MYOM1: variants seen among roughly 807,000 people sequenced by gnomAD.
MYOM1 encodes myomesin 1, also known as myomesin-1.
A neutral mutation model predicts 205.3 loss-of-function variants in MYOM1; 164 were observed. The observed-to-expected ratio is 0.80, with a 90% confidence interval of 0.70 to 0.91. MYOM1 has a LOEUF of 0.91. Ranked by LOEUF, MYOM1 falls within the 40% of genes least tolerant of loss-of-function variation. The probability of loss-of-function intolerance (pLI) is 0.00; values close to 1 mark genes in which losing one functional copy is unlikely to be tolerated. For synonymous variants in MYOM1, 772 were observed against 789.4 expected (o/e 0.98, Z 0.37); for missense variants, 2,011 against 2,127.3 (o/e 0.95, Z 1.08).
chr18:3,116,241 C>T (rs2079602918), intron 21 of MYOM1, 90 bp downstream of exon 21: 6 of 1,353,588 alleles, frequency 4.4e-6, no homozygotes, highest in Middle Eastern at 2.6e-4. Flanking sequence ...CAGATCAAAG[C>T]GGAGATATTC....
chr18:3,201,980 A>G (rs2081074348), intron 2 of MYOM1, among the ~76,000 whole-genome samples: 1 of 152,174 alleles, frequency 6.6e-6, no homozygotes, highest in Non-Finnish European at 1.5e-5. Context: ...ATATTGTATA[A>G]AATACTTATT....
chr18:3,067,692 G>A, intron 37 of MYOM1, 137 bp from the exon 38 acceptor site: 1 of 872,646 alleles, frequency 1.1e-6, no homozygotes, highest in Non-Finnish European at 1.7e-6. Flanking sequence ...GTTTAAAGTA[G>A]TTCTGTGTAT....
chr18:3,144,056 A>T (rs186475281), intron 13 of MYOM1, among the ~76,000 whole-genome samples: 7 of 152,174 alleles, frequency 4.6e-5, no homozygotes, highest in African/African-American at 9.6e-5. Flanking sequence ...AATACAAAAA[A>T]TTAGCCGGGC....
rs147804773 is a variant in MYOM1 at position 3,121,538 on chromosome 18, C to T, written c.2992-1543G>A. ...TGGTAAATATATTGGTAAGTTGAAT[C>T]TATAAAACAATAATCACATTGCTGT... is the stretch of plus-strand genomic sequence containing the variant. On this transcript the variant is annotated intron_variant, in intron 19 of 37. Transcript: ENST00000356443. 5.6e-3 allele frequency among the ~76,000 whole-genome samples: 858 copies of T among 152,202 alleles called. 11 individuals are homozygous for T. The highest frequency in any genetic ancestry group is 0.02 in the African/African-American group (837 of 41,516).
intron 18 of MYOM1, 90 bp downstream of exon 18, chr18:3,129,142 G>A (rs2079837290): frequency 2.8e-6 from 4 of 1,443,118 alleles, no homozygotes; most frequent in South Asian, 2.8e-5. Context: ...ATTGATGAAA[G>A]CAAACATGGA....
intron 8 of MYOM1, among the ~76,000 whole-genome samples, chr18:3,172,662 A>G (rs1382439282): frequency 6.6e-6 from 1 of 152,032 alleles, no homozygotes; most frequent in East Asian, 1.9e-4. Flanking sequence ...GATGCCCACC[A>G]CCATGCCTGG....
chr18:3,116,216 G>T, intron 21 of MYOM1, 115 bp downstream of exon 21: 1 of 1,094,986 alleles, frequency 9.1e-7, no homozygotes, highest in Non-Finnish European at 1.3e-6. Context: ...CTTACCAGGA[G>T]CCCAATATAT....
At chr18:3,186,996 A>AAAGAAAGG (rs796372033) in intron 5 of MYOM1, among the ~76,000 whole-genome samples, 4 of 152,214 alleles carry the variant, frequency 2.6e-5, no homozygotes, top group African/African-American at 9.6e-5. Context: ...AAAAAGAAAG[A>AAAGAAAGG]AAGAAAGGAA....
chr18:3,085,800 T>C (rs1209383663), intron 30 of MYOM1, among the ~76,000 whole-genome samples: 2 of 152,190 alleles, frequency 1.3e-5, no homozygotes, highest in African/African-American at 4.8e-5. Flanking sequence ...ACTGCCCATA[T>C]ATGGATAAAA....
chr18:3,168,964 C>A lies in MYOM1; in HGVS notation c.1192G>T (p.Gly398Cys). ...TGGATCTCAAACCGGGATGCATAAC[C>A]ATATGGGGTCACACCAACTGGGTAC... ...MPLSFGVTPYGYASRFEIHFD... is the reference protein window; with the variant it reads ...MPLSFGVTPYCYASRFEIHFD... Residue 398 changes from glycine (G) to cysteine (C), a missense_variant, in exon 9 of 38, where the codon GGT (glycine) becomes TGT (cysteine). Physicochemically the swap from Gly to Cys is radical, Grantham distance 159. Transcript: ENST00000356443. 6.2e-7 allele frequency: 1 copy of A among 1,612,404 alleles called. No individual in the cohort carries two copies. The highest frequency in any genetic ancestry group is 2.2e-5 in the East Asian group (1 of 44,812).
Position 3,144,860 on chromosome 18 carries a change from C to T in MYOM1, c.1901-2797G>A, listed in dbSNP as rs80351421. On this transcript the variant is annotated intron_variant, in intron 13 of 37. Transcript: ENST00000356443. ...AACTGCAAGAAGAAATAGATAAATG[C>T]ACCATTTGGTTGGCTATTTCATCAC... Among the ~76,000 whole-genome samples, 1,502 of 152,212 alleles carry T rather than the reference C, an allele frequency of 9.9e-3. 18 individuals are homozygous for T. Among genetic ancestry groups the T allele is most frequent in the African/African-American group, 0.034 (1,420 of 41,530 alleles).
intron 13 of MYOM1, among the ~76,000 whole-genome samples, chr18:3,148,819 C>A (rs1454231689): frequency 6.7e-5 from 9 of 133,614 alleles, no homozygotes; most frequent in Admixed American, 4.2e-4. Flanking sequence ...GCACTCCACC[C>A]TGGGCGACAG....
intron 2 of MYOM1, among the ~76,000 whole-genome samples, chr18:3,211,654 A>C (rs1256996207): frequency 6.6e-6 from 1 of 152,216 alleles, no homozygotes; most frequent in Non-Finnish European, 1.5e-5. Context: ...TCCCACTGTG[A>C]CCAAGAACAA....
At chr18:3,089,118 CT>C in intron 29 of MYOM1, 55 bp downstream of exon 29, 1 of 1,343,716 alleles carries the variant, frequency 7.4e-7, no homozygotes, top group African/African-American at 1.5e-5. Flanking sequence ...TTCCTCTTCT[CT>C]ACATTCTATT....
At position 3,193,827 on chromosome 18, in the gene MYOM1, A is replaced by T; in HGVS notation, c.422T>A (p.Phe141Tyr). 1 of 1,612,586 alleles carries T rather than the reference A, an allele frequency of 6.2e-7. No homozygotes were observed. The highest frequency in any genetic ancestry group is 1.3e-5 in the African/African-American group (1 of 74,994). Residue 141 changes from phenylalanine (F) to tyrosine (Y), a missense_variant, in exon 3 of 38, where the codon TTC becomes TAC. By Grantham distance (22) the Phe-to-Tyr change is conservative. Transcript: ENST00000356443. ...GAAAAAGCACACTCACCGTCCTGAGAAAATGGGTACCATGTAGTCACTGGG... is the reference window on the plus strand; with the variant it reads ...GAAAAAGCACACTCACCGTCCTGAGTAAATGGGTACCATGTAGTCACTGGG... ...NLPSDYMVPI[F>Y]SGRQKHVSGI...
intron 23 of MYOM1, 62 bp from the exon 24 acceptor site, chr18:3,100,488 C>T (rs1170467046): frequency 2.4e-6 from 3 of 1,247,108 alleles, no homozygotes; most frequent in Non-Finnish European, 2.3e-6. Flanking sequence ...CCTGTGTTTC[C>T]CCTGAATCTG....
chr18:3,068,471 A>G (rs780953703), intron 37 of MYOM1, among the ~76,000 whole-genome samples: 3 of 152,146 alleles, frequency 2.0e-5, no homozygotes, highest in Non-Finnish European at 2.9e-5. Context: ...TTCAATTTAC[A>G]GAATATTTTC....
intron 2 of MYOM1, among the ~76,000 whole-genome samples, chr18:3,200,984 TC>T (rs1453616919): frequency 6.6e-6 from 1 of 152,148 alleles, no homozygotes; most frequent in Non-Finnish European, 1.5e-5. Context: ...CTTGAAAGCA[TC>T]AAGAGTAAAA....
chr18:3,128,569 C>A (rs1464307437), intron 18 of MYOM1, among the ~76,000 whole-genome samples: 1 of 152,154 alleles, frequency 6.6e-6, no homozygotes, highest in Non-Finnish European at 1.5e-5. Flanking sequence ...AACTTTTAAA[C>A]TTTTCATGGT....
Sources: gnomAD v4.1 joint callset for allele counts (sites outside exome capture counted in the v4.1 genomes callset) on GRCh38, gnomAD v4.1.1 for gene constraint, MANE v1.5 for transcripts, NCBI Gene and HGNC (gene_info 2026-07-23, HGNC 2026-07-21) for gene names.